The following RXFP1 variants were observed in gnomAD, a reference collection of about 807,000 sequenced individuals.
RXFP1 encodes relaxin family peptide receptor 1, also known as relaxin receptor 1.
A neutral mutation model predicts 89.8 loss-of-function variants in RXFP1; 73 were observed. The observed-to-expected ratio is 0.81, with a 90% CI of 0.67 to 0.99. The LOEUF (loss-of-function observed/expected upper bound fraction) is 0.99. Ranked by LOEUF, RXFP1 falls within the 50% of genes least tolerant of loss-of-function variation. RXFP1 has a pLI of 0.00. For missense variants in RXFP1, 793 were observed against 895.5 expected (o/e 0.89, Z 1.46); for synonymous variants, 277 against 305.5 (o/e 0.91, Z 0.97).
chr4:158,645,181 T>A, intron 15 of RXFP1, 43 bp downstream of exon 15: 1 of 1,421,476 alleles, frequency 7.0e-7, no homozygotes. Context: ...TTTTGAAATA[T>A]ACAAAAGCTT....
intron 9 of RXFP1, among the ~76,000 whole-genome samples, chr4:158,622,828 A>C (rs1765880384): frequency 6.6e-6 from 1 of 152,196 alleles, no homozygotes; most frequent in Non-Finnish European, 1.5e-5. Context: ...GTATAGTGGA[A>C]ATTTGCTAAA....
Position 158,593,410 on chromosome 4 carries a change from A to G in RXFP1, c.197A>G (p.Asn66Ser), listed in dbSNP as rs755447468. ...QADEDNCGDN[N>S]GWSLQFDKYF... ...CTGATTTTTATTTTAGGAGACAACAATGGATGGTCTCTGCAATTTGACAAA... is the reference window on the plus strand; with the variant it reads ...CTGATTTTTATTTTAGGAGACAACAGTGGATGGTCTCTGCAATTTGACAAA... Residue 66 changes from asparagine (N) to serine (S), a missense_variant, in exon 3 of 18, where the codon AAT becomes AGT. Coordinates refer to ENST00000307765, the MANE Select transcript of RXFP1 (RefSeq NM_021634.4). 1.2e-6 allele frequency: 2 copies of G among 1,606,872 alleles called. No individual in the cohort carries two copies. Among genetic ancestry groups the G allele is most frequent in the African/African-American group, 1.3e-5 (1 of 74,850 alleles).
At chr4:158,577,827 G>T (rs113600065) in intron 2 of RXFP1, among the ~76,000 whole-genome samples, 1 of 151,934 alleles carries the variant, frequency 6.6e-6, no homozygotes, top group Non-Finnish European at 1.5e-5. Context: ...TTGTGTTATC[G>T]CAGGCACTTT....
intron 1 of RXFP1, among the ~76,000 whole-genome samples, chr4:158,538,640 C>T (rs1204609156): frequency 6.6e-6 from 1 of 152,000 alleles, no homozygotes; most frequent in Non-Finnish European, 1.5e-5. Context: ...ATGGAGAAAC[C>T]CCATTTCTGC....
chr4:158,642,177 T>C (rs369631969), intron 14 of RXFP1, among the ~76,000 whole-genome samples: 3 of 152,282 alleles, frequency 2.0e-5, no homozygotes, highest in East Asian at 3.9e-4. Flanking sequence ...TGACAAATAA[T>C]AATTGCACAT....
chr4:158,634,231 G>T (rs1281863934), intron 12 of RXFP1, among the ~76,000 whole-genome samples: 1 of 152,098 alleles, frequency 6.6e-6, no homozygotes, highest in Non-Finnish European at 1.5e-5. Flanking sequence ...GATGTGAAAT[G>T]GTATCTCACT....
At chr4:158,607,266 C>T in intron 5 of RXFP1, 1 of 660,982 alleles carries the variant, frequency 1.5e-6, no homozygotes, top group Non-Finnish European at 2.7e-6. Flanking sequence ...CTATGTAAGC[C>T]TGCATTCTTG....
chr4:158,547,667 T>A (rs1344723234), intron 1 of RXFP1, among the ~76,000 whole-genome samples: 4 of 152,198 alleles, frequency 2.6e-5, no homozygotes, highest in Non-Finnish European at 5.9e-5. Flanking sequence ...TCTCGTTGGT[T>A]TCAAAGAACA....
intron 2 of RXFP1, among the ~76,000 whole-genome samples, chr4:158,581,121 A>C (rs1392649250): frequency 6.6e-6 from 1 of 152,118 alleles, no homozygotes; most frequent in African/African-American, 2.4e-5. Context: ...CTATATTCTA[A>C]CCCTCCTAGG....
At chr4:158,645,773 G>A (rs111256972) in intron 15 of RXFP1, among the ~76,000 whole-genome samples, 14 of 152,158 alleles carry the variant, frequency 9.2e-5, no homozygotes, top group Non-Finnish European at 1.6e-4. Context: ...CCTCAAGCAA[G>A]TAAAGCATCA....
intron 2 of RXFP1, among the ~76,000 whole-genome samples, chr4:158,574,061 G>C (rs533567904): frequency 1.8e-4 from 28 of 152,318 alleles, no homozygotes; most frequent in African/African-American, 5.3e-4. Flanking sequence ...ATAGCTTTCA[G>C]TTAGAATTTT....
chr4:158,567,967 A>C (rs1480980811), intron 1 of RXFP1, among the ~76,000 whole-genome samples: 2 of 152,198 alleles, frequency 1.3e-5, no homozygotes, highest in African/African-American at 4.8e-5. Flanking sequence ...CTTTGGATTC[A>C]CACTGCTTTT....
At chr4:158,590,277 G>A (rs1209886527) in intron 2 of RXFP1, among the ~76,000 whole-genome samples, 5 of 152,058 alleles carry the variant, frequency 3.3e-5, no homozygotes, top group South Asian at 2.1e-4. Context: ...CGATTCTCAC[G>A]CCTCAGCCTC....
chr4:158,628,285 G>T (rs1258700280), intron 10 of RXFP1, among the ~76,000 whole-genome samples: 1 of 152,140 alleles, frequency 6.6e-6, no homozygotes, highest in African/African-American at 2.4e-5. Context: ...GGGCTATTTT[G>T]TTAGACAGTC....
intron 15 of RXFP1, 21 bp from the exon 16 acceptor site, chr4:158,646,770 G>A: frequency 6.5e-7 from 1 of 1,532,736 alleles, no homozygotes; most frequent in Non-Finnish European, 8.8e-7. Flanking sequence ...CTCTAAATTT[G>A]TGAAACTATG....
At chr4:158,618,542 T>C (rs1479613372) in intron 9 of RXFP1, among the ~76,000 whole-genome samples, 4 of 152,082 alleles carry the variant, frequency 2.6e-5, no homozygotes, top group Admixed American at 6.5e-5. Context: ...ATAGTGAATA[T>C]TATCCTGATT....
chr4:158,592,829 G>A lies in RXFP1; in HGVS notation c.188-572G>A, dbSNP rs564878452. ...GAATAGTCAGGGCATGGTGGCGCAC[G>A]CCTGTAATCCCAACACTTTGGGGGG... On this transcript the variant is annotated intron_variant, in intron 2 of 17. Coordinates refer to ENST00000307765, the MANE Select transcript of RXFP1 (RefSeq NM_021634.4). Among the ~76,000 whole-genome samples the A allele has an allele frequency of 3.3e-5, 5 of 151,788 alleles. No individual in the cohort carries two copies. In the South Asian group the frequency reaches 8.4e-4, roughly 25 times the overall value.
At chr4:158,644,405 GTTTTCTTTTCTTT>G (rs1243205091) in intron 14 of RXFP1, among the ~76,000 whole-genome samples, 10 of 151,968 alleles carry the variant, frequency 6.6e-5, no homozygotes, top group Middle Eastern at 3.2e-3. Flanking sequence ...TTAATGGGAT[GTTTTCTTTTCTTT>G]TTTTCTTTTC....
In RXFP1 at chr4:158,595,973, A is replaced by C. The variant is rs542324794; in HGVS notation, c.286+2474A>C. 3.0e-4 allele frequency among the ~76,000 whole-genome samples: 44 copies of C among 144,736 alleles called. 1 individual carries two copies. Among genetic ancestry groups the C allele is most frequent in the Admixed American group, 6.9e-4 (10 of 14,582 alleles). The allele number at this position is 144,736 out of a possible 152,430, so 95.0% of individuals were successfully genotyped here. ...AGACCAGCCTGGGCAACATAGTGAGAACCCAATCTCTCCAAAAAAAAAAAA... is the reference window on the plus strand; with the variant it reads ...AGACCAGCCTGGGCAACATAGTGAGCACCCAATCTCTCCAAAAAAAAAAAA... On this transcript the variant is annotated intron_variant, in intron 3 of 17. Coordinates refer to ENST00000307765, the MANE Select transcript of RXFP1 (RefSeq NM_021634.4).
Sources: gnomAD v4.1 joint callset for allele counts (sites outside exome capture counted in the v4.1 genomes callset) on GRCh38, gnomAD v4.1.1 for gene constraint, MANE v1.5 for transcripts, NCBI Gene and HGNC (gene_info 2026-07-23, HGNC 2026-07-21) for gene names.